The following DSCAM variants were observed in gnomAD, a reference collection of about 807,000 sequenced individuals.
DSCAM encodes DS cell adhesion molecule.
A neutral mutation model predicts 217.7 loss-of-function variants in DSCAM; 47 were observed. The ratio of observed to expected loss-of-function variants is 0.22; its 90% CI spans 0.17 to 0.28. The LOEUF (loss-of-function observed/expected upper bound fraction) is 0.28, where lower values mean the gene tolerates loss of function less well. DSCAM is among the 10% of genes least tolerant of loss of function. The pLI is 1.00. For synonymous variants in DSCAM, 1,056 were observed against 1,015.3 expected (o/e 1.04, Z -0.76); for missense variants, 2,080 against 2,618.3 (o/e 0.79, Z 4.49).
At chr21:40,813,863 T>C (rs1232055765) in intron 1 of DSCAM, among the ~76,000 whole-genome samples, 1 of 152,078 alleles carries the variant, frequency 6.6e-6, no homozygotes, top group African/African-American at 2.4e-5. Flanking sequence ...GCCAGGCTGG[T>C]CTTGAACTCC....
intron 11 of DSCAM, among the ~76,000 whole-genome samples, chr21:40,236,344 C>T (rs1034718063): frequency 2.0e-5 from 3 of 152,288 alleles, no homozygotes; most frequent in East Asian, 1.9e-4. Context: ...CTCTGGCTCA[C>T]GCTCACCGTG....
At chr21:40,593,349 G>A (rs536322194) in intron 3 of DSCAM, among the ~76,000 whole-genome samples, 6 of 148,202 alleles carry the variant, frequency 4.0e-5, no homozygotes, top group South Asian at 2.1e-4. Context: ...TTTTTGAGAT[G>A]GAGTCTTGCT....
At chr21:40,810,967 G>A (rs2091832961) in intron 1 of DSCAM, among the ~76,000 whole-genome samples, 1 of 152,166 alleles carries the variant, frequency 6.6e-6, no homozygotes, top group Non-Finnish European at 1.5e-5. Context: ...TGTTTGCAAT[G>A]AGAGGCTACA....
At chr21:40,369,386 G>GTC (rs1491563900) in intron 3 of DSCAM, 141 bp from the exon 4 acceptor site, 2 of 133,670 alleles carry the variant, frequency 1.5e-5, no homozygotes, top group African/African-American at 5.6e-4. Context: ...GTGCGTCTGC[G>GTC]TGTGTGTGTG....
intron 3 of DSCAM, among the ~76,000 whole-genome samples, chr21:40,407,277 T>C (rs895553526): frequency 6.6e-6 from 1 of 152,220 alleles, no homozygotes; most frequent in African/African-American, 2.4e-5. Flanking sequence ...AACATAAGTA[T>C]ATACAATTTT....
rs551052218 is a variant in DSCAM at position 40,792,112 on chromosome 21, G to A, written c.43+54507C>T. On this transcript the variant is annotated intron_variant, in intron 1 of 32. Transcript: ENST00000400454. ...ACATGGCCATCCCTCTTTGTGTCCCGGTGTCCTAATCTCTTCTTCTTCTTC... is the reference window on the plus strand; with the variant it reads ...ACATGGCCATCCCTCTTTGTGTCCCAGTGTCCTAATCTCTTCTTCTTCTTC... Among the ~76,000 whole-genome samples the A allele has an allele frequency of 6.0e-5, 9 of 149,670 alleles. No homozygotes were observed. In the Admixed American group the frequency reaches 6.1e-4, roughly 10 times the overall value.
At chr21:40,454,322 T>C (rs2075745983) in intron 3 of DSCAM, among the ~76,000 whole-genome samples, 1 of 152,222 alleles carries the variant, frequency 6.6e-6, no homozygotes, top group South Asian at 2.1e-4. Flanking sequence ...TGAGTTTCTT[T>C]TGTTCTTCTG....
At chr21:40,677,128 G>C (rs987408609) in intron 3 of DSCAM, among the ~76,000 whole-genome samples, 1 of 151,944 alleles carries the variant, frequency 6.6e-6, no homozygotes, top group Non-Finnish European at 1.5e-5. Flanking sequence ...CTTGATGAAG[G>C]CTTTTTATAA....
chr21:40,244,179 A>C (rs1172237501), intron 11 of DSCAM, among the ~76,000 whole-genome samples: 1 of 152,158 alleles, frequency 6.6e-6, no homozygotes, highest in Non-Finnish European at 1.5e-5. Flanking sequence ...GACCGGGAAG[A>C]GTGGTTCACG....
intron 1 of DSCAM, among the ~76,000 whole-genome samples, chr21:40,748,727 TAAC>T (rs1225469123): frequency 6.6e-6 from 1 of 151,992 alleles, no homozygotes; most frequent in Non-Finnish European, 1.5e-5. Flanking sequence ...GCAATAGAAA[TAAC>T]AATCCTAAAA....
chr21:40,160,895 G>A (rs574226577), intron 16 of DSCAM, among the ~76,000 whole-genome samples: 23 of 152,294 alleles, frequency 1.5e-4, no homozygotes, highest in Admixed American at 1.2e-3. Flanking sequence ...TGGCTCGACG[G>A]CAGACGGCCT....
chr21:40,387,750 A>G (rs1401880549), intron 3 of DSCAM, among the ~76,000 whole-genome samples: 3 of 152,224 alleles, frequency 2.0e-5, no homozygotes, highest in African/African-American at 4.8e-5. Context: ...TGTTTACACA[A>G]TAAGTATTTT....
intron 3 of DSCAM, among the ~76,000 whole-genome samples, chr21:40,563,029 C>T (rs529898957): frequency 7.2e-5 from 11 of 152,254 alleles, no homozygotes; most frequent in African/African-American, 2.4e-4. Flanking sequence ...TAGAGACAAT[C>T]GCCCGGATTT....
intron 3 of DSCAM, among the ~76,000 whole-genome samples, chr21:40,381,687 G>A (rs1182871653): frequency 2.0e-5 from 3 of 152,120 alleles, no homozygotes; most frequent in South Asian, 2.1e-4. Context: ...AAAGAATCTG[G>A]AAAAATAGGA....
intron 3 of DSCAM, among the ~76,000 whole-genome samples, chr21:40,602,989 G>A (rs1173839418): frequency 6.6e-6 from 1 of 151,830 alleles, no homozygotes; most frequent in African/African-American, 2.4e-5. Flanking sequence ...CTGTGAAGCA[G>A]TGATTTCATT....
At chr21:40,037,179 G>A (rs1475759059) in intron 32 of DSCAM, among the ~76,000 whole-genome samples, 1 of 149,106 alleles carries the variant, frequency 6.7e-6, no homozygotes, top group Non-Finnish European at 1.5e-5. Context: ...AATTAGGCAG[G>A]AGAAGGAAAT....
At chr21:40,201,199 G>A (rs2091065951) in intron 11 of DSCAM, among the ~76,000 whole-genome samples, 1 of 152,144 alleles carries the variant, frequency 6.6e-6, no homozygotes, top group Non-Finnish European at 1.5e-5. Context: ...GATTGAATGT[G>A]TCAGGGGAAA....
At chr21:40,040,582 TAAAAGC>T (rs1406456591) in intron 32 of DSCAM, among the ~76,000 whole-genome samples, 2 of 151,870 alleles carry the variant, frequency 1.3e-5, no homozygotes, top group Non-Finnish European at 2.9e-5. Flanking sequence ...TGGAGAAAAA[TAAAAGC>T]AAGAAGGAAG....
intron 3 of DSCAM, among the ~76,000 whole-genome samples, chr21:40,617,834 C>T (rs542698138): frequency 1.3e-5 from 2 of 152,330 alleles, no homozygotes; most frequent in Admixed American, 6.5e-5. Context: ...AATAGAGACT[C>T]TGCTGACTCA....
Sources: allele counts gnomAD v4.1 joint callset (sites outside exome capture counted in the v4.1 genomes callset), GRCh38; gene constraint gnomAD v4.1.1; transcripts MANE v1.5; gene names NCBI Gene and HGNC (gene_info 2026-07-23, HGNC 2026-07-21).